Variants in POTEJ observed in about 807,000 individuals in gnomAD.
POTEJ encodes POTE ankyrin domain family, member J.
A neutral mutation model predicts 69.0 loss-of-function variants in POTEJ; 11 were observed. The observed-to-expected ratio is 0.16, with a 90% CI of 0.10 to 0.26. The LOEUF (loss-of-function observed/expected upper bound fraction) is 0.26, where lower values mean the gene tolerates loss of function less well. POTEJ is among the 10% of genes least tolerant of loss of function. The pLI, the probability that POTEJ is intolerant of heterozygous loss-of-function variation, is 1.00. For missense variants in POTEJ, 327 were observed against 1,045.5 expected (o/e 0.31, Z 9.48); for synonymous variants, 117 against 381.1 (o/e 0.31, Z 8.07).
At chr2:130,628,988 C>G (rs1480166367) in intron 6 of POTEJ, among the ~76,000 whole-genome samples, 2 of 150,042 alleles carry the variant, frequency 1.3e-5, no homozygotes, top group African/African-American at 2.5e-5. Context: ...ACACTGCACT[C>G]CAGCCTGGTG....
intron 10 of POTEJ, among the ~76,000 whole-genome samples, chr2:130,641,327 G>A (rs1193906061): frequency 6.6e-6 from 1 of 151,648 alleles, no homozygotes; most frequent in Admixed American, 6.6e-5. Context: ...ACCCGTCCAT[G>A]GTGAAATAAA....
intron 1 of POTEJ, among the ~76,000 whole-genome samples, 154 bp downstream of exon 1, chr2:130,612,096 C>G (rs1272369399): frequency 1.3e-5 from 2 of 152,048 alleles, no homozygotes; most frequent in Non-Finnish European, 2.9e-5. Flanking sequence ...GCACAGGCCC[C>G]TTTATGAACA....
At chr2:130,612,855 A>G (rs1685262557) in intron 1 of POTEJ, among the ~76,000 whole-genome samples, 2 of 143,952 alleles carry the variant, frequency 1.4e-5, no homozygotes, top group Admixed American at 6.9e-5. Context: ...GCGTTTTTAA[A>G]TTACACATGC....
intron 9 of POTEJ, among the ~76,000 whole-genome samples, chr2:130,638,376 A>G (rs1234151426): frequency 6.6e-6 from 1 of 150,658 alleles, no homozygotes; most frequent in African/African-American, 2.4e-5. Context: ...TGTCAGGCTA[A>G]CGCAAGTTAA....
intron 9 of POTEJ, among the ~76,000 whole-genome samples, chr2:130,636,596 A>G (rs981601462): frequency 1.4e-5 from 2 of 147,868 alleles, no homozygotes; most frequent in African/African-American, 4.9e-5. Flanking sequence ...CTCCTCTAAC[A>G]TACCGTATAT....
At chr2:130,615,893 G>A (rs1181269704) in intron 1 of POTEJ, among the ~76,000 whole-genome samples, 1 of 138,848 alleles carries the variant, frequency 7.2e-6, no homozygotes, top group Non-Finnish European at 1.5e-5. Context: ...TCTAAGTGTT[G>A]ACAAAAATGA....
intron 14 of POTEJ, among the ~76,000 whole-genome samples, chr2:130,655,273 A>C (rs1313654764): frequency 6.6e-6 from 1 of 152,146 alleles, no homozygotes; most frequent in East Asian, 1.9e-4. Context: ...CCAAAGGAGA[A>C]GTATTTGATG....
intron 5 of POTEJ, chr2:130,622,836 T>C (rs1405975584): frequency 1.3e-5 from 2 of 151,620 alleles, no homozygotes; most frequent in East Asian, 1.9e-4. Flanking sequence ...AAGTAGGGCT[T>C]TGTGCTTGCT....
intron 9 of POTEJ, among the ~76,000 whole-genome samples, chr2:130,637,227 G>C (rs1344431890): frequency 2.2e-4 from 34 of 151,326 alleles, no homozygotes; most frequent in African/African-American, 7.5e-4. Flanking sequence ...CCAATATTGT[G>C]GTTATTCACT....
At chr2:130,626,547 A>G (rs1320513532) in intron 6 of POTEJ, among the ~76,000 whole-genome samples, 1 of 151,962 alleles carries the variant, frequency 6.6e-6, no homozygotes, top group Admixed American at 6.5e-5. Flanking sequence ...CACCATGATT[A>G]TATGTAAGCA....
chr2:130,632,286 T>C (rs1218972343), intron 8 of POTEJ, among the ~76,000 whole-genome samples: 4 of 148,788 alleles, frequency 2.7e-5, no homozygotes, highest in Non-Finnish European at 4.4e-5. Context: ...TGAAGCAAAC[T>C]TTACAAAAAT....
chr2:130,631,078 T>C (rs1176548562), intron 7 of POTEJ, among the ~76,000 whole-genome samples: 2 of 143,308 alleles, frequency 1.4e-5, no homozygotes, highest in Non-Finnish European at 3.0e-5. Context: ...TTGGTAGATT[T>C]AACACATAAC....
intron 9 of POTEJ, among the ~76,000 whole-genome samples, chr2:130,633,661 C>A (rs554411818): frequency 6.8e-6 from 1 of 146,628 alleles, no homozygotes; most frequent in South Asian, 2.1e-4. Context: ...TGACGCTGTA[C>A]CTTGTTAGCA....
chr2:130,643,274 C>T (rs531847481), intron 10 of POTEJ, among the ~76,000 whole-genome samples: 1 of 141,400 alleles, frequency 7.1e-6, no homozygotes, highest in South Asian at 2.2e-4. Context: ...TGGCTCACAC[C>T]TGTAATCCCA....
intron 9 of POTEJ, among the ~76,000 whole-genome samples, chr2:130,637,183 G>A (rs866416003): frequency 6.8e-6 from 1 of 147,666 alleles, no homozygotes; most frequent in East Asian, 1.9e-4. Flanking sequence ...AAGCTACATT[G>A]TTTATATTAA....
At chr2:130,636,936 GGGTGT>G (rs1219409829) in intron 9 of POTEJ, among the ~76,000 whole-genome samples, 1 of 146,760 alleles carries the variant, frequency 6.8e-6, no homozygotes, top group Non-Finnish European at 1.5e-5. Context: ...AAAATTAACC[GGGTGT>G]GGTGGCATGC....
intron 8 of POTEJ, among the ~76,000 whole-genome samples, chr2:130,631,779 A>T (rs1558923476): frequency 1.4e-5 from 2 of 142,156 alleles, no homozygotes; most frequent in Non-Finnish European, 3.1e-5. Context: ...TAAAGAAGAT[A>T]GCTTCTTATT....
At chr2:130,644,533 G>A (rs1476686551) in intron 11 of POTEJ, among the ~76,000 whole-genome samples, 70 of 152,168 alleles carry the variant, frequency 4.6e-4, no homozygotes, top group East Asian at 9.7e-4. Flanking sequence ...CAGCAACCTT[G>A]TTAACAGAAG....
intron 13 of POTEJ, among the ~76,000 whole-genome samples, chr2:130,649,918 G>A (rs1481493422): frequency 2.6e-5 from 4 of 152,036 alleles, no homozygotes; most frequent in African/African-American, 4.8e-5. Context: ...GAAGAAAAAG[G>A]GTAAAAAGAA....
Sources: gnomAD v4.1 joint callset for allele counts (sites outside exome capture counted in the v4.1 genomes callset) on GRCh38, gnomAD v4.1.1 for gene constraint, MANE v1.5 for transcripts, NCBI Gene and HGNC (gene_info 2026-07-23, HGNC 2026-07-21) for gene names.